The following CHRNB4 variants were observed in gnomAD, a reference collection of about 807,000 sequenced individuals.
CHRNB4 encodes neuronal acetylcholine receptor subunit beta-4.
Under a neutral mutation model 40.4 loss-of-function variants are expected in CHRNB4, and 23 were observed. The ratio of observed to expected loss-of-function variants is 0.57; its 90% CI spans 0.41 to 0.81. The LOEUF (loss-of-function observed/expected upper bound fraction) is 0.81, where lower values mean the gene tolerates loss of function less well. Among genes scored for constraint, CHRNB4 ranks in the 30% least tolerant of loss-of-function variants. CHRNB4 has a pLI of 0.00. For synonymous variants in CHRNB4, 285 were observed against 274.4 expected, an observed-to-expected ratio of 1.04 and a Z score of -0.38; for missense variants, 568 against 670.6, an observed-to-expected ratio of 0.85 and a Z score of 1.69.
At position 78,629,125 on chromosome 15, in the gene CHRNB4, A is replaced by G; in HGVS notation, c.1180T>C (p.Ser394Pro). Reference protein sequence around the residue: ...GNSMYFVNPASAASKSPAGST... With the variant: ...GNSMYFVNPAPAASKSPAGST... The stretch of plus-strand genomic sequence containing the variant: ...CCGGCTGGAGACTTGGAAGCTGCAG[A>G]GGCGGGGTTCACAAAGTACATGGAG... Residue 394 changes from serine (S) to proline (P), a missense_variant, in exon 5 of 6, where the codon TCT (serine) becomes CCT (proline). Physicochemically the swap from Ser to Pro is moderately conservative, Grantham distance 74. This residue lies in a region of CHRNB4 where 242 missense variants were observed against 274.9 expected (regional missense o/e 0.88). Transcript: ENST00000261751. The surrounding 1 kb of genome is among the most constrained non-coding windows in gnomAD (Gnocchi z 6.8). The G allele has an allele frequency of 1.2e-6, 2 of 1,614,134 alleles. No homozygotes were observed. The highest frequency in any genetic ancestry group is 1.7e-6 in the Non-Finnish European group (2 of 1,180,006).
Position 78,635,425 on chromosome 15 carries a change from C to T in CHRNB4, c.204+14G>A. On this transcript the variant is annotated intron_variant, in intron 2 of 5. Coordinates refer to ENST00000261751, the MANE Select transcript of CHRNB4 (RefSeq NM_000750.5). ...TCCACCTGAGCCTGAGCCACAGCTG[C>T]CCTCTGCACCTACCACGCTGATAAG... 1.2e-6 allele frequency: 2 copies of T among 1,612,372 alleles called. No individual in the cohort carries two copies. Among genetic ancestry groups the T allele is most frequent in the South Asian group, 1.1e-5 (1 of 90,968 alleles).
chr15:78,630,611 C>T (rs553729838), intron 4 of CHRNB4, among the ~76,000 whole-genome samples: 3 of 152,328 alleles, frequency 2.0e-5, no homozygotes, highest in Non-Finnish European at 4.4e-5. Flanking sequence ...GAGATTTGAA[C>T]TCAGGTCTGT....
chr15:78,626,341 G>GAT (rs1555420974), intron 5 of CHRNB4: 1 of 74,352 alleles, frequency 1.3e-5, no homozygotes, highest in Non-Finnish European at 2.6e-5. Flanking sequence ...TTCAAGCGGG[G>GAT]GTGTGTGTGT....
At chr15:78,641,356 T>A (rs2141400522), upstream of CHRNB4, 5 of 465,614 alleles carry the variant, frequency 1.1e-5, no homozygotes, top group South Asian at 1.9e-4. Flanking sequence ...GGACCCCACC[T>A]GCCGCCTGGC....
chr15:78,646,495 TG>T (rs1207327831), intron 7 of CHRNB4, among the ~76,000 whole-genome samples: 7 of 152,196 alleles, frequency 4.6e-5, no homozygotes, highest in African/African-American at 1.7e-4. Context: ...TGCCATAGAA[TG>T]GGTGGCTTAA....
chr15:78,639,013 C>T (rs2054015081), intron 1 of CHRNB4, among the ~76,000 whole-genome samples: 1 of 152,170 alleles, frequency 6.6e-6, no homozygotes, highest in Non-Finnish European at 1.5e-5. Flanking sequence ...AAGAATTGTT[C>T]CCTGCCAGAA....
intron 4 of CHRNB4, 64 bp downstream of exon 4, chr15:78,631,012 C>T: frequency 7.5e-7 from 1 of 1,340,438 alleles, no homozygotes; most frequent in Non-Finnish European, 1.1e-6. Flanking sequence ...CTGGATGACT[C>T]TTAGGGCTGG....
rs765857727 is a variant in CHRNB4 at position 78,629,186 on chromosome 15, G to T, written c.1119C>A (p.Thr373=). 1 of 1,613,990 alleles carries T rather than the reference G, an allele frequency of 6.2e-7. No individual in the cohort carries two copies. Among genetic ancestry groups the T allele is most frequent in the South Asian group, 1.1e-5 (1 of 91,070 alleles). The part of the protein sequence containing the change: ...SKSCVTKPEA[T]ATSTSPSNFY... ...AGTTGGAGGGGCTGGTGGAGGTGGC[G>T]GTGGCCTCGGGCTTGGTCACGCATG... Residue 373 remains threonine, a synonymous_variant, in exon 5 of 6, where the codon ACC becomes ACA. Transcript: ENST00000261751. This position sits in a 1 kb window ranked among gnomAD's most constrained non-coding sequence, Gnocchi z 6.8.
At chr15:78,637,611 G>A (rs1057164112) in intron 1 of CHRNB4, among the ~76,000 whole-genome samples, 2 of 152,158 alleles carry the variant, frequency 1.3e-5, no homozygotes, top group African/African-American at 4.8e-5. Context: ...TCCTCTGTGG[G>A]TAGGGCCAGA....
chr15:78,629,187 G>T lies in CHRNB4; in HGVS notation c.1118C>A (p.Thr373Asn). Residue 373 changes from threonine to asparagine, a missense_variant, in exon 5 of 6, where the codon ACC becomes AAC. Thr to Asn is a moderately conservative substitution (Grantham distance 65). Transcript: ENST00000261751. The surrounding 1 kb of genome is among the most constrained non-coding windows in gnomAD (Gnocchi z 6.8). ...SKSCVTKPEA[T>N]ATSTSPSNFY... ...GTTGGAGGGGCTGGTGGAGGTGGCGGTGGCCTCGGGCTTGGTCACGCATGA... is the reference window on the plus strand; with the variant it reads ...GTTGGAGGGGCTGGTGGAGGTGGCGTTGGCCTCGGGCTTGGTCACGCATGA... 6.2e-7 allele frequency: 1 copy of T among 1,614,050 alleles called. No homozygotes were observed. The highest frequency in any genetic ancestry group is 8.5e-7 in the Non-Finnish European group (1 of 1,179,936).
intron 1 of CHRNB4, among the ~76,000 whole-genome samples, chr15:78,638,773 AGGCCTG>A (rs2054009986): frequency 6.6e-6 from 1 of 152,258 alleles, no homozygotes; most frequent in Admixed American, 6.5e-5. Flanking sequence ...AATGTCTGTG[AGGCCTG>A]CTGGGCTCAA....
At chr15:78,648,424 A>T (rs1335619909) in intron 7 of CHRNB4, among the ~76,000 whole-genome samples, 1 of 147,602 alleles carries the variant, frequency 6.8e-6, no homozygotes, top group East Asian at 2.0e-4. Context: ...AAGAAAAGGC[A>T]TGGGGGTGAA....
Position 78,635,432 on chromosome 15 carries a change from C to T in CHRNB4, c.204+7G>A, listed in dbSNP as rs1309794286. On this transcript the variant is annotated splice_region_variant and intron_variant, in intron 2 of 5. Coordinates refer to ENST00000261751, the MANE Select transcript of CHRNB4 (RefSeq NM_000750.5). Reference sequence around the variant, plus strand: ...GAGCCTGAGCCACAGCTGCCCTCTGCACCTACCACGCTGATAAGCTGGGCC... The same window carrying T: ...GAGCCTGAGCCACAGCTGCCCTCTGTACCTACCACGCTGATAAGCTGGGCC... 6.2e-7 allele frequency: 1 copy of T among 1,613,274 alleles called. No homozygotes were observed. Among genetic ancestry groups the T allele is most frequent in the South Asian group, 1.1e-5 (1 of 91,040 alleles).
At chr15:78,630,303 T>G (rs990121795) in intron 4 of CHRNB4, among the ~76,000 whole-genome samples, 2 of 151,714 alleles carry the variant, frequency 1.3e-5, no homozygotes, top group Non-Finnish European at 2.9e-5. Flanking sequence ...CACGCCCGGC[T>G]AATTTTGTAT....
At chr15:78,648,817 T>C (rs1406726212) in intron 7 of CHRNB4, among the ~76,000 whole-genome samples, 1 of 151,862 alleles carries the variant, frequency 6.6e-6, no homozygotes, top group African/African-American at 2.4e-5. Flanking sequence ...CTCACTCTGT[T>C]GCCCAGGTTG....
chr15:78,631,114 T>A lies in CHRNB4; in HGVS notation c.321A>T (p.Ala107=). 1 of 1,614,236 alleles carries A rather than the reference T, an allele frequency of 6.2e-7. No individual in the cohort carries two copies. The highest frequency in any genetic ancestry group is 8.5e-7 in the Non-Finnish European group (1 of 1,180,034). Residue 107 remains alanine (A), a synonymous_variant, in exon 4 of 6, where the codon GCA becomes GCT. Coordinates refer to ENST00000261751, the MANE Select transcript of CHRNB4 (RefSeq NM_000750.5). ...YEGVNILRIP[A]KRIWLPDIVL... The stretch of plus-strand genomic sequence containing the variant: ...CGATGTCAGGCAACCAGATGCGCTT[T>A]GCAGGGATCCTCAGGATGTTCACAC...
At chr15:78,631,564 T>C (rs772450111) in intron 2 of CHRNB4, among the ~76,000 whole-genome samples, 3 of 152,218 alleles carry the variant, frequency 2.0e-5, no homozygotes, top group Non-Finnish European at 2.9e-5. Flanking sequence ...ATGGCACCCC[T>C]AGCCATCCAG....
chr15:78,643,322 T>A (rs957852206), upstream of CHRNB4, among the ~76,000 whole-genome samples: 6 of 152,114 alleles, frequency 3.9e-5, no homozygotes, highest in African/African-American at 1.4e-4. Flanking sequence ...GGATCTTGGC[T>A]CACTGCAACC....
chr15:78,649,266 A>C, intron 7 of CHRNB4: 1 of 313,014 alleles, frequency 3.2e-6, no homozygotes, highest in South Asian at 2.6e-5. Flanking sequence ...TGTGTACCCC[A>C]GAGACACTCA....
Sources: allele counts gnomAD v4.1 joint callset (sites outside exome capture counted in the v4.1 genomes callset), GRCh38; gene constraint gnomAD v4.1.1; regional missense constraint gnomAD v4.1.1; non-coding constraint Gnocchi (gnomAD v3.1); transcripts MANE v1.5; gene names NCBI Gene and HGNC (gene_info 2026-07-23, HGNC 2026-07-21).